The following PRUNE2 variants were observed in gnomAD, a reference collection of about 807,000 sequenced individuals.
PRUNE2 encodes the protein prune homolog 2 with BCH domain.
Under a neutral mutation model 252.0 loss-of-function variants are expected in PRUNE2, and 164 were observed. The ratio of observed to expected loss-of-function variants is 0.65; its 90% CI spans 0.57 to 0.74. The LOEUF is 0.74. PRUNE2 is among the 30% of genes least tolerant of loss of function. The pLI, the probability that PRUNE2 is intolerant of heterozygous loss-of-function variation, is 0.00. For missense variants in PRUNE2, 3,495 were observed against 3,711.0 expected (o/e 0.94, Z 1.51); for synonymous variants, 1,292 against 1,350.2 (o/e 0.96, Z 0.94).
In PRUNE2 at chr9:76,708,838, C is replaced by A. The variant is rs765182491; in HGVS notation, c.3436G>T (p.Ala1146Ser). Residue 1146 changes from alanine (A) to serine (S), a missense_variant, in exon 8 of 19, where the codon GCA becomes TCA. Ala to Ser is a moderately conservative substitution (Grantham distance 99). Coordinates refer to ENST00000376718, the MANE Select transcript of PRUNE2 (RefSeq NM_015225.3). ...TCTGTTTGACCATCACTGGGGATTG[C>A]CGCACCCCCACTGCAGTCATCCCAG... ...LDWDDCSGGA[A>S]IPSDGQTEGY... 23 of 1,613,896 alleles carry A rather than the reference C, an allele frequency of 1.4e-5. No individual in the cohort carries two copies. The highest frequency in any genetic ancestry group is 1.9e-5 in the Non-Finnish European group (23 of 1,179,886).
chr9:76,859,456 G>T (rs2060436026), intron 1 of PRUNE2, among the ~76,000 whole-genome samples: 1 of 151,990 alleles, frequency 6.6e-6, no homozygotes. Flanking sequence ...CCCTCCATTT[G>T]CTCTTTCCTT....
intron 11 of PRUNE2, among the ~76,000 whole-genome samples, chr9:76,645,893 C>T (rs1011619970): frequency 6.6e-6 from 1 of 152,152 alleles, no homozygotes; most frequent in African/African-American, 2.4e-5. Flanking sequence ...AATAACAGCA[C>T]TATTGTGTTA....
chr9:76,815,720 A>G (rs1727049714), intron 6 of PRUNE2, among the ~76,000 whole-genome samples: 1 of 152,200 alleles, frequency 6.6e-6, no homozygotes, highest in African/African-American at 2.4e-5. Flanking sequence ...TTAGGGAAAT[A>G]CTGTTTATTT....
chr9:76,834,179 G>T (rs574917512), intron 4 of PRUNE2, among the ~76,000 whole-genome samples: 2 of 152,022 alleles, frequency 1.3e-5, no homozygotes, highest in Non-Finnish European at 2.9e-5. Flanking sequence ...CACCGTGCCC[G>T]GCCCCAAGAT....
intron 3 of PRUNE2, among the ~76,000 whole-genome samples, chr9:76,847,578 A>G (rs2059737164): frequency 6.6e-6 from 1 of 152,168 alleles, no homozygotes; most frequent in Admixed American, 6.5e-5. Context: ...CCTGGCTCCA[A>G]AGCTTGCAAA....
At chr9:76,787,985 T>C (rs1163309236) in intron 6 of PRUNE2, among the ~76,000 whole-genome samples, 10 of 152,172 alleles carry the variant, frequency 6.6e-5, no homozygotes, top group Non-Finnish European at 2.9e-5. Flanking sequence ...ATTCCCTGTC[T>C]AGGATGCCTT....
intron 6 of PRUNE2, among the ~76,000 whole-genome samples, chr9:76,807,271 C>T (rs2057033332): frequency 6.6e-6 from 1 of 151,872 alleles, no homozygotes; most frequent in Admixed American, 6.6e-5. Flanking sequence ...TAAGAATCTC[C>T]CTATGTTCCC....
chr9:76,705,203 C>G lies in PRUNE2; in HGVS notation c.7071G>C (p.Met2357Ile). The G allele has an allele frequency of 6.2e-7, 1 of 1,613,998 alleles. No individual in the cohort carries two copies. Among genetic ancestry groups the G allele is most frequent in the Non-Finnish European group, 8.5e-7 (1 of 1,179,888 alleles). ...ASWGDFEYDVMGQNIDEDLLR... is the reference protein window; with the variant it reads ...ASWGDFEYDVIGQNIDEDLLR... ...GTAAATCTTCATCGATATTCTGGCC[C>G]ATTACATCATATTCAAAATCACCCC... is the stretch of plus-strand genomic sequence containing the variant. The change falls in exon 8 of 19, where the codon ATG becomes ATC. Residue 2357 changes from methionine to isoleucine, a missense_variant. Transcript: ENST00000376718.
At chr9:76,792,015 G>C (rs1445165736) in intron 6 of PRUNE2, among the ~76,000 whole-genome samples, 1 of 152,160 alleles carries the variant, frequency 6.6e-6, no homozygotes, top group African/African-American at 2.4e-5. Flanking sequence ...TGAGAAAGTA[G>C]ACAACATCAG....
rs1402716829 is a variant in PRUNE2 at position 76,705,548 on chromosome 9, T to C, written c.6726A>G (p.Pro2242=). 6.2e-7 allele frequency: 1 copy of C among 1,613,956 alleles called. No homozygotes were observed. Among genetic ancestry groups the C allele is most frequent in the African/African-American group, 1.3e-5 (1 of 74,962 alleles). Residue 2242 remains proline, a synonymous_variant, in exon 8 of 19, where the codon CCA becomes CCG. Coordinates refer to ENST00000376718, the MANE Select transcript of PRUNE2 (RefSeq NM_015225.3). ...ATSIFVTHQE[P]TPEGDGSWIS... Reference sequence around the variant, plus strand: ...TCCAAGAACCGTCACCTTCTGGAGTTGGCTCTTGGTGAGTTACAAAAATGC... The same window carrying C: ...TCCAAGAACCGTCACCTTCTGGAGTCGGCTCTTGGTGAGTTACAAAAATGC...
At chr9:76,670,379 C>T (rs563219836) in intron 9 of PRUNE2, among the ~76,000 whole-genome samples, 3 of 152,012 alleles carry the variant, frequency 2.0e-5, no homozygotes, top group East Asian at 1.9e-4. Flanking sequence ...GATTATATCC[C>T]GCACCTGGCT....
At chr9:76,819,473 C>G (rs11794199) in intron 6 of PRUNE2, 19,702 of 152,172 alleles carry the variant, frequency 0.13, 1,421 homozygotes, top group East Asian at 0.2. Context: ...TTCTCTCCCA[C>G]AGCTCTTGGA....
At chr9:76,665,243 C>T (rs573104497) in intron 9 of PRUNE2, among the ~76,000 whole-genome samples, 28 of 152,338 alleles carry the variant, frequency 1.8e-4, no homozygotes, top group African/African-American at 5.8e-4. Context: ...ACTCAAGCCT[C>T]CTTTCTCATT....
chr9:76,705,664 G>A lies in PRUNE2; in HGVS notation c.6610C>T (p.Gln2204Ter), dbSNP rs199720756. The A allele has an allele frequency of 6.2e-7, 1 of 1,614,010 alleles. No individual in the cohort carries two copies. Among genetic ancestry groups the A allele is most frequent in the East Asian group, 2.2e-5 (1 of 44,888 alleles). The stretch of plus-strand genomic sequence containing the variant: ...GGGCTGGCTCCTTTTTCTGATACTT[G>A]TAAACCTGTACTGTTGTCACCGTTT... ...EINGDNSTGL[Q>*]VSEKGASPDM... Residue 2204 changes from glutamine to a stop codon, truncating the protein, a stop_gained, in exon 8 of 19, where the codon CAA becomes TAA. Coordinates refer to ENST00000376718, the MANE Select transcript of PRUNE2 (RefSeq NM_015225.3). LOFTEE classifies it high-confidence loss of function.
intron 1 of PRUNE2, among the ~76,000 whole-genome samples, chr9:76,901,718 T>C (rs926063604): frequency 1.3e-5 from 2 of 152,122 alleles, no homozygotes; most frequent in African/African-American, 4.8e-5. Context: ...TATCACAGAG[T>C]ATGAGCTGAC....
chr9:76,777,838 A>G (rs2053966369), intron 6 of PRUNE2, among the ~76,000 whole-genome samples: 1 of 152,216 alleles, frequency 6.6e-6, no homozygotes, highest in African/African-American at 2.4e-5. Context: ...GAGAATTGAA[A>G]TAAGTTCAGG....
intron 6 of PRUNE2, among the ~76,000 whole-genome samples, chr9:76,723,037 T>G (rs1308595436): frequency 6.6e-6 from 1 of 152,252 alleles, no homozygotes; most frequent in Non-Finnish European, 1.5e-5. Context: ...AATAATGCGC[T>G]GCTTACGTCT....
At chr9:76,622,351 C>T (rs1239076356) in intron 17 of PRUNE2, among the ~76,000 whole-genome samples, 1 of 151,808 alleles carries the variant, frequency 6.6e-6, no homozygotes, top group Non-Finnish European at 1.5e-5. Flanking sequence ...TACCCAAAAA[C>T]AATAATCATT....
intron 17 of PRUNE2, among the ~76,000 whole-genome samples, chr9:76,622,399 A>AG (rs1832765596): frequency 6.6e-6 from 1 of 152,196 alleles, no homozygotes; most frequent in Non-Finnish European, 1.5e-5. Context: ...ATAAATATAG[A>AG]GGAAAAAAAT....
Sources: allele counts gnomAD v4.1 joint callset (sites outside exome capture counted in the v4.1 genomes callset), GRCh38; gene constraint gnomAD v4.1.1; transcripts MANE v1.5; gene names NCBI Gene and HGNC (gene_info 2026-07-23, HGNC 2026-07-21).